The following LDLRAD3 variants were observed in gnomAD, a reference collection of about 807,000 sequenced individuals.
LDLRAD3 encodes the protein low-density lipoprotein receptor class A domain-containing protein 3.
LDLRAD3 carries 20 observed loss-of-function variants against 29.4 expected under a neutral mutation model. The ratio of observed to expected loss-of-function variants is 0.68; its 90% CI spans 0.48 to 0.99. The LOEUF (loss-of-function observed/expected upper bound fraction) is 0.99. Among genes scored for constraint, LDLRAD3 ranks in the 50% least tolerant of loss-of-function variants. The pLI is 0.00. For missense variants in LDLRAD3, 420 were observed against 454.3 expected, an observed-to-expected ratio of 0.92 and a Z score of 0.69; for synonymous variants, 157 against 192.7, an observed-to-expected ratio of 0.81 and a Z score of 1.53.
chr11:36,126,923 G>A (rs182525469), intron 4 of LDLRAD3, among the ~76,000 whole-genome samples: 9 of 152,288 alleles, frequency 5.9e-5, no homozygotes, highest in African/African-American at 2.2e-4. Context: ...CTGTGAACTC[G>A]ACTGTGTAAA....
At chr11:35,990,247 C>A (rs146500310) in intron 1 of LDLRAD3, among the ~76,000 whole-genome samples, 4 of 152,162 alleles carry the variant, frequency 2.6e-5, no homozygotes, top group Non-Finnish European at 5.9e-5. Flanking sequence ...ACAGTGGACA[C>A]TTTACTCTCT....
At chr11:36,181,968 A>G (rs1854770611) in intron 4 of LDLRAD3, among the ~76,000 whole-genome samples, 2 of 152,138 alleles carry the variant, frequency 1.3e-5, no homozygotes, top group South Asian at 4.2e-4. Flanking sequence ...CTTATCTCAC[A>G]ATTGACCCAA....
chr11:36,141,656 A>G (rs532550603), intron 4 of LDLRAD3, among the ~76,000 whole-genome samples: 35 of 152,330 alleles, frequency 2.3e-4, no homozygotes, highest in Non-Finnish European at 4.7e-4. Flanking sequence ...ATGGGTGAAG[A>G]AGGGATGTAC....
At chr11:36,153,015 G>A (rs1211850434) in intron 4 of LDLRAD3, among the ~76,000 whole-genome samples, 2 of 152,060 alleles carry the variant, frequency 1.3e-5, no homozygotes, top group African/African-American at 2.4e-5. Context: ...ATACTCTGAG[G>A]TCCTGCTCAC....
intron 4 of LDLRAD3, among the ~76,000 whole-genome samples, chr11:36,112,046 C>G (rs1247799777): frequency 6.6e-6 from 1 of 152,194 alleles, no homozygotes; most frequent in Non-Finnish European, 1.5e-5. Context: ...GTTATTGAAA[C>G]CCTCCTTTTT....
chr11:35,990,314 G>A (rs1851672119), intron 1 of LDLRAD3, among the ~76,000 whole-genome samples: 1 of 152,188 alleles, frequency 6.6e-6, no homozygotes, highest in African/African-American at 2.4e-5. Flanking sequence ...GTTCCATCTG[G>A]AGGCTCTGAG....
At chr11:36,207,272 C>T (rs984414480) in intron 4 of LDLRAD3, among the ~76,000 whole-genome samples, 11 of 152,160 alleles carry the variant, frequency 7.2e-5, no homozygotes, top group East Asian at 1.9e-4. Flanking sequence ...AGCAAGCAAA[C>T]GAGAAAATGA....
At chr11:35,980,438 A>G (rs1310794530) in intron 1 of LDLRAD3, among the ~76,000 whole-genome samples, 1 of 152,196 alleles carries the variant, frequency 6.6e-6, no homozygotes, top group African/African-American at 2.4e-5. Context: ...TTCTGTTTAT[A>G]TATATAAAAT....
At chr11:36,056,551 C>T (rs1852623749) in intron 2 of LDLRAD3, among the ~76,000 whole-genome samples, 1 of 152,182 alleles carries the variant, frequency 6.6e-6, no homozygotes, top group Admixed American at 6.5e-5. Flanking sequence ...TGGGTAAGTG[C>T]ACACCACGGC....
At position 36,098,322 on chromosome 11, in the gene LDLRAD3, T is replaced by A. The variant is rs1853393905; in HGVS notation, c.320-5T>A. 6.2e-7 allele frequency: 1 copy of A among 1,613,826 alleles called. No homozygotes were observed. The highest frequency in any genetic ancestry group is 8.5e-7 in the Non-Finnish European group (1 of 1,180,018). On this transcript the variant is annotated splice_region_variant and splice_polypyrimidine_tract_variant and intron_variant, in intron 3 of 5. Transcript: ENST00000315571. ...CTGGTAATGTGCTGTGTTTTCCCTC[T>A]GCAGCAGCAAACCCTCTGCTTTGCT...
intron 2 of LDLRAD3, among the ~76,000 whole-genome samples, chr11:36,077,920 C>T (rs964721643): frequency 1.3e-5 from 2 of 152,070 alleles, no homozygotes; most frequent in African/African-American, 2.4e-5. Flanking sequence ...GTCCTGCATC[C>T]GGGAAGAATG....
chr11:36,037,791 G>T (rs1852323638), intron 2 of LDLRAD3, among the ~76,000 whole-genome samples: 1 of 152,188 alleles, frequency 6.6e-6, no homozygotes, highest in East Asian at 1.9e-4. Flanking sequence ...GCCCTTCAGA[G>T]AAGTTTTTGG....
Position 36,229,265 on chromosome 11 carries a change from T to G in LDLRAD3, c.906T>G (p.Ser302Arg). The G allele has an allele frequency of 6.2e-7, 1 of 1,613,964 alleles. No homozygotes were observed. The highest frequency in any genetic ancestry group is 1.1e-5 in the South Asian group (1 of 91,076). ...PYRSRSGSAN[S>R]ASSQAASSLL... Reference sequence around the variant, plus strand: ...GCTCCCGGTCCGGGAGTGCCAACAGTGCCAGCTCCCAGGCAGCCAGCAGCC... The same window carrying G: ...GCTCCCGGTCCGGGAGTGCCAACAGGGCCAGCTCCCAGGCAGCCAGCAGCC... Residue 302 changes from serine (S) to arginine (R), a missense_variant, in exon 6 of 6, where the codon AGT becomes AGG. By Grantham distance (110) the Ser-to-Arg change is moderately radical. Coordinates refer to ENST00000315571, the MANE Select transcript of LDLRAD3 (RefSeq NM_174902.4).
At chr11:36,034,458 G>T (rs918580059) in intron 1 of LDLRAD3, among the ~76,000 whole-genome samples, 1 of 152,238 alleles carries the variant, frequency 6.6e-6, no homozygotes, top group Non-Finnish European at 1.5e-5. Context: ...GGATTCTGAT[G>T]TGGGCAGTTG....
chr11:36,095,898 C>T (rs1251346202), intron 3 of LDLRAD3, among the ~76,000 whole-genome samples: 2 of 152,126 alleles, frequency 1.3e-5, no homozygotes, highest in Non-Finnish European at 2.9e-5. Flanking sequence ...AAGGCCACCA[C>T]GGTGGGATGT....
At chr11:35,986,242 G>A (rs1457706666) in intron 1 of LDLRAD3, among the ~76,000 whole-genome samples, 2 of 152,082 alleles carry the variant, frequency 1.3e-5, no homozygotes, top group African/African-American at 4.8e-5. Context: ...AAAACATTTT[G>A]TATATGCAAT....
intron 1 of LDLRAD3, among the ~76,000 whole-genome samples, chr11:35,971,404 T>A (rs746571438): frequency 1.3e-5 from 2 of 152,004 alleles, no homozygotes; most frequent in Non-Finnish European, 2.9e-5. Flanking sequence ...GATAGGGCCT[T>A]TAAAGAGATA....
chr11:36,080,943 C>T (rs1325888343), intron 2 of LDLRAD3, among the ~76,000 whole-genome samples: 1 of 152,120 alleles, frequency 6.6e-6, no homozygotes, highest in South Asian at 2.1e-4. Flanking sequence ...CGTAGGCACC[C>T]TCTGTTCAGC....
intron 1 of LDLRAD3, among the ~76,000 whole-genome samples, chr11:36,026,484 T>C (rs1005533335): frequency 2.6e-5 from 4 of 152,174 alleles, no homozygotes; most frequent in South Asian, 2.1e-4. Flanking sequence ...TCCATCTTAA[T>C]AGGGGCTGGA....
Sources: gnomAD v4.1 joint callset for allele counts (sites outside exome capture counted in the v4.1 genomes callset) on GRCh38, gnomAD v4.1.1 for gene constraint, MANE v1.5 for transcripts, NCBI Gene and HGNC (gene_info 2026-07-23, HGNC 2026-07-21) for gene names.